Variants in SH3BGRL2 observed in about 807,000 individuals in gnomAD.
The protein encoded by SH3BGRL2 is SH3 domain-binding glutamic acid-rich-like protein 2.
SH3BGRL2 carries 21 observed loss-of-function variants against 14.8 expected under a neutral mutation model. The observed-to-expected ratio is 1.42, with a 90% confidence interval of 1.01 to 2.05. The LOEUF (loss-of-function observed/expected upper bound fraction) is 2.05. Ranked by LOEUF, SH3BGRL2 falls within the 30% of genes most tolerant of loss-of-function variation. The probability of loss-of-function intolerance (pLI) is 0.00; values close to 1 mark genes in which losing one functional copy is unlikely to be tolerated. For synonymous variants in SH3BGRL2, 50 were observed against 47.8 expected (o/e 1.05, Z -0.19); for missense variants, 147 against 130.8 (o/e 1.12, Z -0.61).
chr6:79,564,904 T>G, the SH3BGRL2 span, among the ~76,000 whole-genome samples: 1 of 152,294 alleles, frequency 6.6e-6, no homozygotes, highest in South Asian at 2.1e-4. Flanking sequence ...TATTTTCCCC[T>G]TTTTCTGGAT....
the SH3BGRL2 span, among the ~76,000 whole-genome samples, chr6:79,611,692 G>A: frequency 1.3e-5 from 2 of 152,118 alleles, no homozygotes; most frequent in African/African-American, 2.4e-5. Flanking sequence ...GATTACAGGC[G>A]TGAGCCACCA....
intron 1 of SH3BGRL2, among the ~76,000 whole-genome samples, chr6:79,671,254 G>T (rs975197956): frequency 5.3e-5 from 8 of 152,126 alleles, no homozygotes; most frequent in Non-Finnish European, 1.0e-4. Context: ...ATCACCTGAG[G>T]TCGGGAGTTC....
chr6:79,604,237 A>G, the SH3BGRL2 span, among the ~76,000 whole-genome samples: 2 of 152,202 alleles, frequency 1.3e-5, no homozygotes, highest in African/African-American at 4.8e-5. Context: ...ACATGGACAA[A>G]GGTTAATTCA....
At chr6:79,675,137 A>G (rs956628711) in intron 2 of SH3BGRL2, among the ~76,000 whole-genome samples, 2 of 152,216 alleles carry the variant, frequency 1.3e-5, no homozygotes, top group East Asian at 1.9e-4. Context: ...AAATAAAGCT[A>G]TAAGTCAAAT....
chr6:79,643,075 G>A (rs929646550), intron 1 of SH3BGRL2, among the ~76,000 whole-genome samples: 1 of 152,146 alleles, frequency 6.6e-6, no homozygotes, highest in Non-Finnish European at 1.5e-5. Flanking sequence ...CTCTTTATCT[G>A]TGTCCAGCAA....
At chr6:79,555,893 T>A in the SH3BGRL2 span, among the ~76,000 whole-genome samples, 1 of 152,162 alleles carries the variant, frequency 6.6e-6, no homozygotes, top group African/African-American at 2.4e-5. Flanking sequence ...TGCTATGAAA[T>A]TTTTTTAAAT....
intron 2 of SH3BGRL2, among the ~76,000 whole-genome samples, chr6:79,680,918 T>C (rs1204221599): frequency 6.6e-6 from 1 of 152,232 alleles, no homozygotes; most frequent in Non-Finnish European, 1.5e-5. Flanking sequence ...TGATTTTGTA[T>C]CCTACAACTT....
chr6:79,692,804 T>C (rs1316985867), intron 2 of SH3BGRL2, among the ~76,000 whole-genome samples: 1 of 152,064 alleles, frequency 6.6e-6, no homozygotes, highest in Non-Finnish European at 1.5e-5. Flanking sequence ...GCCTCTGGCT[T>C]TGTTCTTTTG....
At chr6:79,572,391 G>A in the SH3BGRL2 span, among the ~76,000 whole-genome samples, 20 of 152,110 alleles carry the variant, frequency 1.3e-4, no homozygotes, top group South Asian at 2.1e-4. Flanking sequence ...CCAACTCTTG[G>A]TATCATGAGA....
intron 2 of SH3BGRL2, among the ~76,000 whole-genome samples, chr6:79,690,011 C>T (rs1271047360): frequency 1.3e-5 from 2 of 152,050 alleles, no homozygotes; most frequent in African/African-American, 4.8e-5. Flanking sequence ...ATAGGCCCTC[C>T]GTCACTCTGT....
chr6:79,564,629 T>A, the SH3BGRL2 span, among the ~76,000 whole-genome samples: 19,567 of 152,124 alleles, frequency 0.13, 1,415 homozygotes, highest in African/African-American at 0.16. Context: ...CTTCCAATTT[T>A]TAAGTTATTT....
chr6:79,683,185 C>T (rs1770023047), intron 2 of SH3BGRL2, among the ~76,000 whole-genome samples: 1 of 152,044 alleles, frequency 6.6e-6, no homozygotes, highest in South Asian at 2.1e-4. Flanking sequence ...TACCCTAGAA[C>T]TTAAAGTATA....
the SH3BGRL2 span, among the ~76,000 whole-genome samples, chr6:79,601,313 C>T: frequency 6.6e-5 from 10 of 152,298 alleles, no homozygotes; most frequent in South Asian, 6.2e-4. Flanking sequence ...CTCAGCCTCC[C>T]AAGTAGCTGG....
chr6:79,652,872 T>A (rs764644228), intron 1 of SH3BGRL2, among the ~76,000 whole-genome samples: 51 of 152,212 alleles, frequency 3.4e-4, no homozygotes, highest in Non-Finnish European at 5.9e-4. Flanking sequence ...ACTTATGGTA[T>A]AATAAGTGCT....
intron 2 of SH3BGRL2, among the ~76,000 whole-genome samples, chr6:79,694,392 A>G (rs1270641504): frequency 6.6e-6 from 1 of 152,208 alleles, no homozygotes; most frequent in Admixed American, 6.5e-5. Context: ...TGAGGGAATT[A>G]TTACTCAACT....
In SH3BGRL2 at chr6:79,631,384, C is replaced by A. The variant is rs1321105287; in HGVS notation, c.-78C>A. 7.5e-7 allele frequency: 1 copy of A among 1,330,848 alleles called. No homozygotes were observed. Among genetic ancestry groups the A allele is most frequent in the Non-Finnish European group, 9.9e-7 (1 of 1,005,892 alleles). The allele number at this position is 1,330,848 out of a possible 1,614,324, so 82.4% of individuals were successfully genotyped here. On this transcript the variant is annotated 5_prime_UTR_variant, in exon 1 of 4. Coordinates refer to ENST00000369838, the MANE Select transcript of SH3BGRL2 (RefSeq NM_031469.4). ...CTTTACCCAGAGGCTGCCGGCGGCT[C>A]GTAGCTGGGTTCAGCTCTGCGTCCA...
At chr6:79,670,912 T>G (rs1029785982) in intron 1 of SH3BGRL2, among the ~76,000 whole-genome samples, 7 of 152,200 alleles carry the variant, frequency 4.6e-5, no homozygotes, top group African/African-American at 1.7e-4. Context: ...TTTTCATTCA[T>G]TTAAGTGAAG....
chr6:79,656,257 T>G (rs1582721945), intron 1 of SH3BGRL2, among the ~76,000 whole-genome samples: 1 of 152,080 alleles, frequency 6.6e-6, no homozygotes, highest in East Asian at 1.9e-4. Flanking sequence ...AGCAGAGAGG[T>G]CATGACTTGC....
At chr6:79,573,345 G>A in the SH3BGRL2 span, among the ~76,000 whole-genome samples, 1 of 151,950 alleles carries the variant, frequency 6.6e-6, no homozygotes, top group Non-Finnish European at 1.5e-5. Flanking sequence ...TCCTTCCACT[G>A]TTCTCTTTTC....
Sources: allele counts gnomAD v4.1 joint callset (sites outside exome capture counted in the v4.1 genomes callset), GRCh38; gene constraint gnomAD v4.1.1; transcripts MANE v1.5; gene names NCBI Gene and HGNC (gene_info 2026-07-23, HGNC 2026-07-21).